The following GLIS3 variants were observed in gnomAD, a reference collection of about 807,000 sequenced individuals.
The protein encoded by GLIS3 is GLIS family zinc finger 3, also known as zinc finger protein GLIS3.
A neutral mutation model predicts 78.6 loss-of-function variants in GLIS3; 53 were observed. That is an observed-to-expected ratio of 0.67 (90% confidence interval 0.54 to 0.85). The LOEUF (loss-of-function observed/expected upper bound fraction) is 0.85. GLIS3 is among the 40% of genes least tolerant of loss of function. The pLI is 0.00. For synonymous variants in GLIS3, 684 were observed against 509.9 expected, an observed-to-expected ratio of 1.34 and a Z score of -4.60; for missense variants, 1,703 against 1,231.1, an observed-to-expected ratio of 1.38 and a Z score of -5.74.
chr9:4,206,963 C>G (rs775046844), intron 2 of GLIS3, among the ~76,000 whole-genome samples: 3 of 152,152 alleles, frequency 2.0e-5, no homozygotes, highest in African/African-American at 7.2e-5. Context: ...TTTGGACATT[C>G]GTACTCACTG....
At chr9:3,997,261 G>A (rs143152967) in intron 4 of GLIS3, among the ~76,000 whole-genome samples, 18 of 152,180 alleles carry the variant, frequency 1.2e-4, no homozygotes, top group Non-Finnish European at 2.4e-4. Flanking sequence ...CCGGAGAATC[G>A]CTTGAACTCA....
At chr9:4,017,423 T>G (rs1822527747) in intron 4 of GLIS3, among the ~76,000 whole-genome samples, 1 of 152,194 alleles carries the variant, frequency 6.6e-6, no homozygotes, top group African/African-American at 2.4e-5. Flanking sequence ...GTTGGCAATC[T>G]GTGGAAGCTT....
chr9:4,163,268 ACGCG>A (rs1554720612), intron 2 of GLIS3, among the ~76,000 whole-genome samples: 1 of 151,214 alleles, frequency 6.6e-6, no homozygotes, highest in South Asian at 2.1e-4. Context: ...ACACACACAC[ACGCG>A]CACGCGCGCA....
At chr9:4,398,819 G>C in the GLIS3 span, among the ~76,000 whole-genome samples, 1 of 152,164 alleles carries the variant, frequency 6.6e-6, no homozygotes, top group African/African-American at 2.4e-5. Flanking sequence ...CTCCCAAGTA[G>C]CTGGGATTAC....
At chr9:4,274,708 C>A (rs533682140) in intron 2 of GLIS3, among the ~76,000 whole-genome samples, 39 of 152,312 alleles carry the variant, frequency 2.6e-4, no homozygotes. Flanking sequence ...ACCCTAAGCA[C>A]AGGGCACCCC....
chr9:4,397,728 G>A, the GLIS3 span, among the ~76,000 whole-genome samples: 33 of 138,910 alleles, frequency 2.4e-4, no homozygotes, highest in African/African-American at 6.8e-4. Context: ...GAGGGAGGGA[G>A]GGAGGAAAAG....
At chr9:4,033,973 G>A (rs1824092930) in intron 4 of GLIS3, among the ~76,000 whole-genome samples, 1 of 150,580 alleles carries the variant, frequency 6.6e-6, no homozygotes, top group Admixed American at 6.7e-5. Flanking sequence ...TATAATTCTA[G>A]CACTTTGGGA....
At chr9:4,199,599 A>G (rs907754534) in intron 2 of GLIS3, among the ~76,000 whole-genome samples, 1 of 151,916 alleles carries the variant, frequency 6.6e-6, no homozygotes, top group South Asian at 2.1e-4. Flanking sequence ...ATTCAACAAG[A>G]AGACTTAACT....
intron 4 of GLIS3, among the ~76,000 whole-genome samples, chr9:4,091,598 G>A (rs895119873): frequency 6.6e-6 from 1 of 152,222 alleles, no homozygotes; most frequent in Admixed American, 6.5e-5. Flanking sequence ...ACAAGAATAT[G>A]TTCTGAGAAA....
upstream of GLIS3, among the ~76,000 whole-genome samples, chr9:4,301,564 G>A (rs926745090): frequency 6.6e-6 from 1 of 152,148 alleles, no homozygotes; most frequent in African/African-American, 2.4e-5. Flanking sequence ...ACCCTTCAAT[G>A]CATCATGGGA....
the GLIS3 span, among the ~76,000 whole-genome samples, chr9:4,380,704 A>G: frequency 6.6e-6 from 1 of 152,346 alleles, no homozygotes. Context: ...AACACTGGTC[A>G]TTACCAATCA....
chr9:4,249,675 G>A (rs1824164576), intron 2 of GLIS3, among the ~76,000 whole-genome samples: 1 of 152,192 alleles, frequency 6.6e-6, no homozygotes, highest in African/African-American at 2.4e-5. Context: ...GGTGGTGAGA[G>A]AGGACATCCT....
intron 2 of GLIS3, among the ~76,000 whole-genome samples, chr9:4,202,452 A>T (rs1359831008): frequency 2.2e-5 from 3 of 138,962 alleles, no homozygotes; most frequent in African/African-American, 8.5e-5. Flanking sequence ...AAAATAAAAT[A>T]AAAATAAAAA....
At chr9:3,906,747 A>G (rs902703731) in intron 6 of GLIS3, among the ~76,000 whole-genome samples, 4 of 152,132 alleles carry the variant, frequency 2.6e-5, no homozygotes, top group Non-Finnish European at 5.9e-5. Flanking sequence ...ATCGTGCTAT[A>G]CTCAAGGTAC....
rs568602489 is a variant in GLIS3, at chr9:4,078,499, G to A, written c.1710+39269C>T. Among the ~76,000 whole-genome samples the A allele has an allele frequency of 2.0e-5, 3 of 152,264 alleles. No individual in the cohort carries two copies. In the South Asian group the frequency reaches 6.2e-4, roughly 32 times the overall value. On this transcript the variant is annotated intron_variant, in intron 4 of 10. Transcript: ENST00000381971. ...CTCAAGGCTCTCTGGAGATCTATGT[G>A]GCCCAGTAACAGCTCAAGCAAAACA...
At chr9:3,992,903 A>T (rs553387718) in intron 4 of GLIS3, among the ~76,000 whole-genome samples, 2 of 152,334 alleles carry the variant, frequency 1.3e-5, no homozygotes, top group South Asian at 4.1e-4. Context: ...TTTGAGGTGT[A>T]TGAAGATTTT....
the GLIS3 span, among the ~76,000 whole-genome samples, chr9:4,353,466 G>T: frequency 2.0e-5 from 3 of 152,120 alleles, no homozygotes; most frequent in African/African-American, 7.2e-5. Flanking sequence ...TCAGGGCCAG[G>T]GATTGTCTCT....
At chr9:4,062,031 C>T (rs1176899983) in intron 4 of GLIS3, among the ~76,000 whole-genome samples, 1 of 152,216 alleles carries the variant, frequency 6.6e-6, no homozygotes, top group Non-Finnish European at 1.5e-5. Context: ...AGATTTCAGG[C>T]TGTCCCAGCA....
intron 9 of GLIS3, among the ~76,000 whole-genome samples, chr9:3,835,322 T>C (rs981077211): frequency 2.0e-5 from 3 of 152,042 alleles, no homozygotes; most frequent in African/African-American, 4.8e-5. Flanking sequence ...CATATGACAA[T>C]AGGAACCCCT....
Sources: gnomAD v4.1 joint callset for allele counts (sites outside exome capture counted in the v4.1 genomes callset) on GRCh38, gnomAD v4.1.1 for gene constraint, MANE v1.5 for transcripts, NCBI Gene and HGNC (gene_info 2026-07-23, HGNC 2026-07-21) for gene names.